The following PCSK5 variants were observed in gnomAD, a reference collection of about 807,000 sequenced individuals.
The protein encoded by PCSK5 is prohormone convertase 5.
A neutral mutation model predicts 233.2 loss-of-function variants in PCSK5; 129 were observed. That is an observed-to-expected ratio of 0.55 (90% CI 0.48 to 0.64). PCSK5 has a LOEUF of 0.64. Among genes scored for constraint, PCSK5 ranks in the 30% least tolerant of loss-of-function variants. The probability of loss-of-function intolerance (pLI) is 0.00; values close to 1 mark genes in which losing one functional copy is unlikely to be tolerated. For synonymous variants in PCSK5, 825 were observed against 879.2 expected, an observed-to-expected ratio of 0.94 and a Z score of 1.09; for missense variants, 2,076 against 2,430.1, an observed-to-expected ratio of 0.85 and a Z score of 3.06.
At chr9:76,317,072 C>A (rs1187638175) in intron 30 of PCSK5, among the ~76,000 whole-genome samples, 1 of 152,056 alleles carries the variant, frequency 6.6e-6, no homozygotes, top group African/African-American at 2.4e-5. Flanking sequence ...GAAACTATAT[C>A]AGAAATATGA....
chr9:76,165,598 C>T (rs977481510), intron 12 of PCSK5, among the ~76,000 whole-genome samples: 1 of 152,184 alleles, frequency 6.6e-6, no homozygotes, highest in Non-Finnish European at 1.5e-5. Flanking sequence ...GGCTGTGGGG[C>T]ACCATTTCAA....
chr9:76,088,091 G>A (rs1456986453), intron 7 of PCSK5, among the ~76,000 whole-genome samples: 1 of 152,220 alleles, frequency 6.6e-6, no homozygotes, highest in Non-Finnish European at 1.5e-5. Flanking sequence ...GCCAGTCTGA[G>A]GATGTTTAGA....
chr9:76,048,386 C>G (rs1456050467), intron 5 of PCSK5, among the ~76,000 whole-genome samples: 1 of 152,152 alleles, frequency 6.6e-6, no homozygotes, highest in Admixed American at 6.5e-5. Flanking sequence ...TAGAAGGAGC[C>G]TGTGAACCCT....
In PCSK5 at chr9:76,308,642, C is replaced by T. The variant is rs756225549; in HGVS notation, c.3605-3C>T. 4 of 1,564,996 alleles carry T rather than the reference C, an allele frequency of 2.6e-6. No homozygotes were observed. The highest frequency in any genetic ancestry group is 3.3e-5 in the Admixed American group (2 of 59,866). On this transcript the variant is annotated splice_polypyrimidine_tract_variant and splice_region_variant and intron_variant, in intron 28 of 37. Transcript: ENST00000674117. ...CCTGAACTGTTGTTTCTTTCTCATA[C>T]AGATATTTTGAGAAAACTCCAGCCT... is the stretch of plus-strand genomic sequence containing the variant.
At position 76,310,746 on chromosome 9, in the gene PCSK5, A is replaced by T; in HGVS notation, c.3779A>T (p.Glu1260Val). 3.7e-6 allele frequency: 6 copies of T among 1,612,520 alleles called. No homozygotes were observed. Among genetic ancestry groups the T allele is most frequent in the Non-Finnish European group, 5.1e-6 (6 of 1,179,702 alleles). The change falls in exon 30 of 38, where the codon GAG (glutamate) becomes GTG (valine). Residue 1260 changes from glutamate (E) to valine (V), a missense_variant. Physicochemically the swap from Glu to Val is moderately radical, Grantham distance 121 (BLOSUM62 -2). This residue lies in a region of PCSK5 where 1,510 missense variants were observed against 1,538.1 expected (regional missense o/e 0.98). Coordinates refer to ENST00000674117, the MANE Select transcript of PCSK5 (RefSeq NM_001372043.1). ...AGTGGGAGCTGCGAGAACTGTACGG[A>T]GGCCTGTGCCATCTGCTCTGGAGCC... ...VRSGSCENCT[E>V]ACAICSGADL...
intron 12 of PCSK5, among the ~76,000 whole-genome samples, chr9:76,161,876 G>A (rs958568499): frequency 5.9e-5 from 9 of 152,186 alleles, no homozygotes; most frequent in Non-Finnish European, 1.2e-4. Context: ...TCCGACGTGC[G>A]GTGACCGGCA....
chr9:76,113,529 C>T (rs913425335), intron 9 of PCSK5, among the ~76,000 whole-genome samples: 4 of 151,992 alleles, frequency 2.6e-5, no homozygotes, highest in Non-Finnish European at 5.9e-5. Context: ...AGGGAAATGA[C>T]CAGAATATTT....
In PCSK5 at chr9:76,314,128, G is replaced by T. The variant is rs144919418; in HGVS notation, c.3884+3277G>T. ...AACACATTAAAACAAGGAAGAAAGA[G>T]ATGCATTTTGCTTTACTCAAGTTAG... On this transcript the variant is annotated intron_variant, in intron 30 of 37. Transcript: ENST00000674117. Among the ~76,000 whole-genome samples the T allele has an allele frequency of 5.7e-4, 87 of 152,312 alleles. 1 individual carries two copies. Among genetic ancestry groups the T allele is most frequent in the African/African-American group, 2.0e-3 (83 of 41,574 alleles).
At chr9:76,220,679 C>T (rs1825701780) in intron 20 of PCSK5, among the ~76,000 whole-genome samples, 1 of 150,948 alleles carries the variant, frequency 6.6e-6, no homozygotes, top group South Asian at 2.1e-4. Flanking sequence ...TGGTGTACAG[C>T]AAAATGTTTT....
chr9:76,322,219 G>A (rs1329623049), intron 31 of PCSK5, among the ~76,000 whole-genome samples: 3 of 152,082 alleles, frequency 2.0e-5, no homozygotes, highest in African/African-American at 7.2e-5. Flanking sequence ...CAAAGTGCTG[G>A]GATTACAAGC....
In PCSK5 at chr9:76,060,635, C is replaced by T. The variant is rs377018779; in HGVS notation, c.633-7320C>T. 3.2e-3 allele frequency among the ~76,000 whole-genome samples: 483 copies of T among 152,154 alleles called. 3 individuals carry two copies. Among genetic ancestry groups the T allele is most frequent in the South Asian group, 0.011 (54 of 4,818 alleles). ...TAATTAATTTCTAGGGTTAAAAAATCCAGGGTATCACTGTAATCATAAGAA... is the reference window on the plus strand; with the variant it reads ...TAATTAATTTCTAGGGTTAAAAAATTCAGGGTATCACTGTAATCATAAGAA... On this transcript the variant is annotated intron_variant, in intron 5 of 37. Coordinates refer to ENST00000674117, the MANE Select transcript of PCSK5 (RefSeq NM_001372043.1).
intron 2 of PCSK5, among the ~76,000 whole-genome samples, chr9:75,968,905 C>T (rs1034362077): frequency 2.0e-5 from 3 of 152,050 alleles, no homozygotes; most frequent in Admixed American, 6.6e-5. Flanking sequence ...TCGTTATGTA[C>T]ATTACCTACT....
chr9:76,133,736 G>C (rs1466263583), intron 9 of PCSK5, among the ~76,000 whole-genome samples: 1 of 151,960 alleles, frequency 6.6e-6, no homozygotes, highest in Non-Finnish European at 1.5e-5. Context: ...CTTCTGTTTT[G>C]ATTTTAGCTT....
At chr9:75,947,762 T>G (rs1451000369) in intron 2 of PCSK5, among the ~76,000 whole-genome samples, 1 of 152,170 alleles carries the variant, frequency 6.6e-6, no homozygotes, top group African/African-American at 2.4e-5. Flanking sequence ...GTACCTTACA[T>G]GGGGAAAACT....
At chr9:76,332,354 A>ATGGTAC (rs1316570456) in intron 33 of PCSK5, 79 bp from the exon 34 acceptor site, 98 of 1,031,478 alleles carry the variant, frequency 9.5e-5, no homozygotes, top group Non-Finnish European at 1.3e-4. Context: ...CCCTCCCGCC[A>ATGGTAC]TGGTACACAA....
In PCSK5 at chr9:76,241,604, T is replaced by C. The variant is rs565444871; in HGVS notation, c.3142+920T>C. ...CTCTTTAATTCAAGTCAGTGGCTCC[T>C]TCTTTCTTCCCTTCTCACATGCCTG... On this transcript the variant is annotated intron_variant, in intron 24 of 37. Transcript: ENST00000674117. 9.2e-4 allele frequency among the ~76,000 whole-genome samples: 140 copies of C among 152,368 alleles called. 3 individuals are homozygous for C. In the South Asian group the frequency reaches 0.028, roughly 30 times the overall value.
At chr9:76,225,687 G>A (rs1229973838) in intron 20 of PCSK5, among the ~76,000 whole-genome samples, 1 of 152,224 alleles carries the variant, frequency 6.6e-6, no homozygotes, top group South Asian at 2.1e-4. Context: ...GATGATGCCT[G>A]TAGTCAGTGA....
chr9:76,309,676 CA>C (rs781340914), intron 29 of PCSK5, among the ~76,000 whole-genome samples: 297 of 114,326 alleles, frequency 2.6e-3, no homozygotes, highest in Admixed American at 3.5e-3. Flanking sequence ...GACGCTGCCT[CA>C]AAAAAAAAAA....
At chr9:76,177,491 A>G (rs1168113076) in intron 14 of PCSK5, among the ~76,000 whole-genome samples, 1 of 152,244 alleles carries the variant, frequency 6.6e-6, no homozygotes, top group Admixed American at 6.5e-5. Context: ...TCCTAGAATC[A>G]ATAAACATGC....
Sources: allele counts gnomAD v4.1 joint callset (sites outside exome capture counted in the v4.1 genomes callset), GRCh38; gene constraint gnomAD v4.1.1; regional missense constraint gnomAD v4.1.1; transcripts MANE v1.5; gene names NCBI Gene and HGNC (gene_info 2026-07-23, HGNC 2026-07-21).